MAP4K5: variants seen among roughly 807,000 people sequenced by gnomAD.
MAP4K5 encodes the protein MAPK/ERK kinase kinase kinase 5.
MAP4K5 carries 82 observed loss-of-function variants against 135.6 expected under a neutral mutation model. The ratio of observed to expected loss-of-function variants is 0.60; its 90% confidence interval spans 0.51 to 0.73. The LOEUF (loss-of-function observed/expected upper bound fraction) is 0.73. Among genes scored for constraint, MAP4K5 ranks in the 30% least tolerant of loss-of-function variants. The probability of loss-of-function intolerance (pLI) is 0.00; values close to 1 mark genes in which losing one functional copy is unlikely to be tolerated. For synonymous variants in MAP4K5, 347 were observed against 335.0 expected, an observed-to-expected ratio of 1.04 and a Z score of -0.39; for missense variants, 907 against 1,010.9, an observed-to-expected ratio of 0.90 and a Z score of 1.39.
chr14:50,475,041 G>A, intron 9 of MAP4K5, 36 bp downstream of exon 9: 1 of 1,551,366 alleles, frequency 6.4e-7, no homozygotes, highest in South Asian at 1.1e-5. Flanking sequence ...ATGAAGAAAT[G>A]AAAATGGATC....
chr14:50,462,957 T>C (rs1258222982), intron 12 of MAP4K5, among the ~76,000 whole-genome samples, 176 bp from the exon 13 acceptor site: 2 of 152,212 alleles, frequency 1.3e-5, no homozygotes, highest in Non-Finnish European at 2.9e-5. Flanking sequence ...TTACACATTA[T>C]ATAAAACTGA....
At position 50,485,574 on chromosome 14, in the gene MAP4K5, G is replaced by T; in HGVS notation, c.322+4C>A. ...TTTAAAATGTAAAGTCAAATTAACA[G>T]TACCATGGTAAATATCTTGAAGTGA... is the stretch of plus-strand genomic sequence containing the variant. On this transcript the variant is annotated splice_donor_region_variant and intron_variant, in intron 5 of 32. Coordinates refer to ENST00000682126, the MANE Select transcript of MAP4K5 (RefSeq NM_006575.6). 4 of 1,523,508 alleles carry T rather than the reference G, an allele frequency of 2.6e-6. No homozygotes were observed. Among genetic ancestry groups the T allele is most frequent in the Non-Finnish European group, 3.6e-6 (4 of 1,121,946 alleles). 94.4% of individuals were successfully genotyped at this position (1,523,508 alleles called of 1,614,324 possible).
intron 1 of MAP4K5, among the ~76,000 whole-genome samples, chr14:50,553,219 C>T (rs1595574010): frequency 6.7e-6 from 1 of 149,372 alleles, no homozygotes; most frequent in African/African-American, 2.5e-5. Context: ...TGCAGTGAGC[C>T]GAGATCGTGC....
chr14:50,488,574 A>T (rs2037417790), intron 3 of MAP4K5, among the ~76,000 whole-genome samples: 1 of 152,314 alleles, frequency 6.6e-6, no homozygotes, highest in Non-Finnish European at 1.5e-5. Context: ...ACTGACCCAT[A>T]AAAGTCAATA....
intron 19 of MAP4K5, 52 bp downstream of exon 19, chr14:50,443,887 T>C: frequency 6.8e-7 from 1 of 1,478,624 alleles, no homozygotes; most frequent in Non-Finnish European, 9.3e-7. Flanking sequence ...GCCCCTTGCA[T>C]GATAAATATA....
intron 2 of MAP4K5, among the ~76,000 whole-genome samples, chr14:50,516,312 C>T (rs1411559729): frequency 1.3e-5 from 2 of 152,238 alleles, no homozygotes; most frequent in East Asian, 1.9e-4. Flanking sequence ...CATTCTGTGG[C>T]GGGGAGAGGG....
At position 50,451,598 on chromosome 14, in the gene MAP4K5, T is replaced by C. The variant is rs184608497; in HGVS notation, c.1016-2766A>G. Among the ~76,000 whole-genome samples the C allele has an allele frequency of 2.3e-4, 35 of 152,160 alleles. No individual in the cohort carries two copies. In the East Asian group the frequency reaches 6.2e-3, roughly 27 times the overall value. On this transcript the variant is annotated intron_variant, in intron 14 of 32. Coordinates refer to ENST00000682126, the MANE Select transcript of MAP4K5 (RefSeq NM_006575.6). Reference sequence around the variant, plus strand: ...TTTTTTAAAAACTGAGTTGATGTCATGAATTGGGTTATAATTGGCAGCTTT... The same window carrying C: ...TTTTTTAAAAACTGAGTTGATGTCACGAATTGGGTTATAATTGGCAGCTTT...
intron 2 of MAP4K5, among the ~76,000 whole-genome samples, chr14:50,516,097 A>T (rs1347639537): frequency 6.6e-6 from 1 of 152,242 alleles, no homozygotes; most frequent in Non-Finnish European, 1.5e-5. Flanking sequence ...GCAAATCCTG[A>T]CAGCTTAAAC....
At chr14:50,436,579 G>A (rs1002675543) in intron 26 of MAP4K5, among the ~76,000 whole-genome samples, 6 of 151,180 alleles carry the variant, frequency 4.0e-5, no homozygotes, top group African/African-American at 1.5e-4. Flanking sequence ...GTGATTTTGG[G>A]TGGGGGCTTT....
intron 13 of MAP4K5, among the ~76,000 whole-genome samples, chr14:50,461,032 T>C (rs943948495): frequency 4.6e-5 from 7 of 152,158 alleles, no homozygotes; most frequent in African/African-American, 1.2e-4. Flanking sequence ...ATAATATTTA[T>C]TTATTTATTT....
At chr14:50,459,907 C>T (rs2036673348) in intron 13 of MAP4K5, among the ~76,000 whole-genome samples, 1 of 151,928 alleles carries the variant, frequency 6.6e-6, no homozygotes, top group Non-Finnish European at 1.5e-5. Flanking sequence ...GCTACGTTGC[C>T]CAGGGTGGTC....
upstream of MAP4K5, among the ~76,000 whole-genome samples, chr14:50,537,100 G>C (rs920315746): frequency 6.6e-6 from 1 of 152,222 alleles, no homozygotes; most frequent in Admixed American, 6.5e-5. Flanking sequence ...AGACCTAGGA[G>C]GAAAAAGTGG....
chr14:50,544,578 C>T (rs1171419108), intron 1 of MAP4K5, among the ~76,000 whole-genome samples: 1 of 152,154 alleles, frequency 6.6e-6, no homozygotes, highest in Non-Finnish European at 1.5e-5. Context: ...GCATGGATGT[C>T]TGCTTCTGAT....
intron 2 of MAP4K5, among the ~76,000 whole-genome samples, chr14:50,512,034 G>T (rs1049613115): frequency 6.6e-6 from 1 of 151,856 alleles, no homozygotes; most frequent in African/African-American, 2.4e-5. Context: ...GAATCTTTAG[G>T]TAAACTATGA....
At chr14:50,539,334 T>C (rs2038533082) in intron 2 of MAP4K5, among the ~76,000 whole-genome samples, 1 of 152,244 alleles carries the variant, frequency 6.6e-6, no homozygotes, top group African/African-American at 2.4e-5. Flanking sequence ...ATTTGGCTCT[T>C]CTGACTGCTT....
chr14:50,478,391 T>C (rs1388605188), intron 6 of MAP4K5, among the ~76,000 whole-genome samples: 3 of 152,150 alleles, frequency 2.0e-5, no homozygotes, highest in African/African-American at 4.8e-5. Context: ...TACTATTTTT[T>C]TTCCTTTCCA....
intron 8 of MAP4K5, 94 bp downstream of exon 8, chr14:50,476,034 G>A (rs1164568408): frequency 3.0e-6 from 2 of 657,380 alleles, no homozygotes; most frequent in African/African-American, 1.9e-5. Flanking sequence ...AATGAAATCT[G>A]CATAATGTTA....
intron 1 of MAP4K5, among the ~76,000 whole-genome samples, chr14:50,556,497 C>A (rs2038767158): frequency 6.6e-6 from 1 of 152,158 alleles, no homozygotes; most frequent in Non-Finnish European, 1.5e-5. Context: ...GGATTACAGG[C>A]GTGAGCCACT....
chr14:50,497,848 C>A (rs1160281279), intron 3 of MAP4K5, among the ~76,000 whole-genome samples: 4 of 151,892 alleles, frequency 2.6e-5, no homozygotes, highest in South Asian at 2.1e-4. Flanking sequence ...AGCAAGGGAA[C>A]AAACCAAAAG....
Sources: allele counts gnomAD v4.1 joint callset (sites outside exome capture counted in the v4.1 genomes callset), GRCh38; gene constraint gnomAD v4.1.1; transcripts MANE v1.5; gene names NCBI Gene and HGNC (gene_info 2026-07-23, HGNC 2026-07-21).